Variants in UBA3 observed in about 807,000 individuals in gnomAD.
UBA3 encodes NEDD8-activating enzyme E1 catalytic subunit.
Under a neutral mutation model 73.5 loss-of-function variants are expected in UBA3, and 26 were observed. The observed-to-expected ratio is 0.35, with a 90% confidence interval of 0.26 to 0.49. The LOEUF (loss-of-function observed/expected upper bound fraction) is 0.49. Ranked by LOEUF, UBA3 falls within the 20% of genes least tolerant of loss-of-function variation. The pLI is 0.98. For missense variants in UBA3, 495 were observed against 555.6 expected (o/e 0.89, Z 1.10); for synonymous variants, 217 against 191.2 (o/e 1.13, Z -1.11).
intron 10 of UBA3, 63 bp downstream of exon 10, chr3:69,062,014 A>C: frequency 7.0e-7 from 1 of 1,430,138 alleles, no homozygotes; most frequent in Non-Finnish European, 9.7e-7. Context: ...AATTATCCAA[A>C]GGAATAATAT....
At chr3:69,060,984 C>T (rs2092016520) in intron 11 of UBA3, among the ~76,000 whole-genome samples, 2 of 152,312 alleles carry the variant, frequency 1.3e-5, no homozygotes, top group Middle Eastern at 6.8e-3. Context: ...GCCAAATAAA[C>T]CTCTTTCCTG....
chr3:69,080,087 G>A (rs1441349224), intron 2 of UBA3, 25 bp downstream of exon 2: 18 of 1,604,858 alleles, frequency 1.1e-5, no homozygotes, highest in Non-Finnish European at 1.4e-5. Context: ...CCCGGAGAGG[G>A]CCCCGGCCTC....
At chr3:69,070,689 G>C (rs182518608) in intron 5 of UBA3, among the ~76,000 whole-genome samples, 1 of 152,254 alleles carries the variant, frequency 6.6e-6, no homozygotes, top group Non-Finnish European at 1.5e-5. Flanking sequence ...GTCTCGCTCT[G>C]TTGCCCAGGC....
Position 69,055,333 on chromosome 3 carries a change from G to C in UBA3, c.*104C>G, listed in dbSNP as rs576786804. ...AAGAGTGGTTCATTATATAAAAAAA[G>C]ACAAATCGTGGCAACACTATTGCTA... On this transcript the variant is annotated 3_prime_UTR_variant, in exon 18 of 18. Coordinates refer to ENST00000361055, the MANE Select transcript of UBA3 (RefSeq NM_003968.4). The C allele has an allele frequency of 2.8e-4, 201 of 708,242 alleles. No homozygotes were observed. The African/African-American group carries it at 3.5e-3, about 12-fold the overall frequency. The allele number at this position is 708,242 out of a possible 1,614,324, so 43.9% of individuals were successfully genotyped here. A position where few individuals can be genotyped will look rare whatever the true frequency, so the allele number is the denominator to read the frequency against.
In UBA3 at chr3:69,056,239, A is replaced by G; in HGVS notation, c.1128T>C (p.Phe376=). The G allele has an allele frequency of 1.2e-6, 2 of 1,605,100 alleles. No individual in the cohort carries two copies. Among genetic ancestry groups the G allele is most frequent in the Non-Finnish European group, 1.7e-6 (2 of 1,177,490 alleles). ...ACSQLPQNIQ[F]SPSAKLQEVL... The stretch of plus-strand genomic sequence containing the variant: ...CCTCCTGTAGTTTAGCTGATGGAGA[A>G]AACTGAATATTTTGAGGAAGCTGGC... The change falls in exon 15 of 18, where the codon TTT becomes TTC. Residue 376 remains phenylalanine (F), a synonymous_variant. Coordinates refer to ENST00000361055, the MANE Select transcript of UBA3 (RefSeq NM_003968.4).
chr3:69,057,212 T>C (rs768129541), intron 12 of UBA3, 44 bp downstream of exon 12: 3 of 1,593,106 alleles, frequency 1.9e-6, no homozygotes, highest in Admixed American at 1.8e-5. Context: ...CGTCAAAAAC[T>C]AAAGAAAGCA....
intron 9 of UBA3, 52 bp downstream of exon 9, chr3:69,062,930 C>A (rs2107486770): frequency 6.3e-7 from 1 of 1,596,278 alleles, no homozygotes; most frequent in South Asian, 1.1e-5. Context: ...TAATTAATCC[C>A]TAATTCCATG....
At chr3:69,062,318 C>G (rs1168603895) in intron 9 of UBA3, 139 bp from the exon 10 acceptor site, 1 of 642,586 alleles carries the variant, frequency 1.6e-6, no homozygotes, top group African/African-American at 1.8e-5. Context: ...AAATGCCTCT[C>G]AAACTATAAT....
Position 69,061,864 on chromosome 3 carries a change from T to C in UBA3, c.860A>G (p.Glu287Gly). The C allele has an allele frequency of 6.2e-7, 1 of 1,612,186 alleles. No individual in the cohort carries two copies. Among genetic ancestry groups the C allele is most frequent in the South Asian group, 1.1e-5 (1 of 90,696 alleles). ...CCTAATATTATATTGTGATGCTCTC[T>C]CTAGGGATTTTTGGAAAATCCATTG... ...HIQWIFQKSL[E>G]RASQYNIRGV... is the part of the protein sequence containing the mutation. Residue 287 changes from glutamate to glycine, a missense_variant, in exon 11 of 18, where the codon GAG becomes GGG. Transcript: ENST00000361055.
At chr3:69,079,049 A>G (rs1263445337) in intron 2 of UBA3, among the ~76,000 whole-genome samples, 1 of 152,224 alleles carries the variant, frequency 6.6e-6, no homozygotes, top group Non-Finnish European at 1.5e-5. Flanking sequence ...TACAAAAGGG[A>G]CCAAGAAGTA....
At position 69,055,003 on chromosome 3, in the gene UBA3, C is replaced by T. The variant is rs1448390709; in HGVS notation, c.*434G>A. ...AAATGAGTGTTATATCAAGAAATAG[C>T]CTATGTTCAATATACTCCAGATGTC... On this transcript the variant is annotated 3_prime_UTR_variant, in exon 18 of 18. Coordinates refer to ENST00000361055, the MANE Select transcript of UBA3 (RefSeq NM_003968.4). 6.6e-6 allele frequency: 1 copy of T among 152,478 alleles called. No individual in the cohort carries two copies. Among genetic ancestry groups the T allele is most frequent in the Non-Finnish European group, 1.5e-5 (1 of 68,286 alleles). The allele number at this position is 152,478 out of a possible 1,614,324, so 9.4% of individuals were successfully genotyped here.
chr3:69,061,282 G>A, intron 11 of UBA3, among the ~76,000 whole-genome samples: 1 of 152,226 alleles, frequency 6.6e-6, no homozygotes, highest in East Asian at 1.9e-4. Context: ...TGCAACCTCA[G>A]CCTCCTGGGT....
At chr3:69,067,889 T>C in intron 6 of UBA3, 39 bp downstream of exon 6, 1 of 1,478,872 alleles carries the variant, frequency 6.8e-7, no homozygotes. Context: ...GAAAAAAGCT[T>C]TTAAAAATTA....
intron 11 of UBA3, 144 bp downstream of exon 11, chr3:69,061,670 T>G: frequency 1.9e-6 from 1 of 515,932 alleles, no homozygotes; most frequent in Non-Finnish European, 3.4e-6. Flanking sequence ...TCCCCCTAGC[T>G]AATAAGTAGT....
intron 4 of UBA3, among the ~76,000 whole-genome samples, chr3:69,072,505 C>A (rs2092128595): frequency 6.6e-6 from 1 of 152,220 alleles, no homozygotes; most frequent in African/African-American, 2.4e-5. Context: ...TCTGACCTTA[C>A]CTTTCTGAGG....
At chr3:69,080,006 T>G in intron 2 of UBA3, 106 bp downstream of exon 2, 2 of 1,054,918 alleles carry the variant, frequency 1.9e-6, no homozygotes, top group South Asian at 1.5e-5. Flanking sequence ...GCGCTCCGGG[T>G]GTCCCCCTCC....
intron 14 of UBA3, 76 bp downstream of exon 14, chr3:69,056,534 CTT>C (rs2091975437): frequency 1.6e-6 from 2 of 1,286,428 alleles, no homozygotes; most frequent in Non-Finnish European, 2.2e-6. Context: ...GTATGGGTGA[CTT>C]TGTTCAAATT....
chr3:69,060,715 G>A (rs2092014448), intron 11 of UBA3, among the ~76,000 whole-genome samples: 1 of 152,098 alleles, frequency 6.6e-6, no homozygotes, highest in Non-Finnish European at 1.5e-5. Context: ...CAGTGTTGGA[G>A]GTGAGGCCTA....
intron 5 of UBA3, 133 bp downstream of exon 5, chr3:69,071,398 ATGGT>A: frequency 3.6e-6 from 2 of 553,678 alleles, no homozygotes; most frequent in Non-Finnish European, 6.2e-6. Context: ...TACAATGGGA[ATGGT>A]AGTTTTTGTT....
Sources: allele counts gnomAD v4.1 joint callset (sites outside exome capture counted in the v4.1 genomes callset), GRCh38; gene constraint gnomAD v4.1.1; transcripts MANE v1.5; gene names NCBI Gene and HGNC (gene_info 2026-07-23, HGNC 2026-07-21).